Variants in PRUNE2 observed in about 807,000 individuals in gnomAD.
The protein encoded by PRUNE2 is prune homolog 2 with BCH domain, also known as protein prune homolog 2.
Under a neutral mutation model 252.0 loss-of-function variants are expected in PRUNE2, and 164 were observed. The ratio of observed to expected loss-of-function variants is 0.65; its 90% CI spans 0.57 to 0.74. The LOEUF is 0.74. Among genes scored for constraint, PRUNE2 ranks in the 30% least tolerant of loss-of-function variants. PRUNE2 has a pLI of 0.00. For synonymous variants in PRUNE2, 1,292 were observed against 1,350.2 expected, an observed-to-expected ratio of 0.96 and a Z score of 0.94; for missense variants, 3,495 against 3,711.0, an observed-to-expected ratio of 0.94 and a Z score of 1.51.
chr9:76,726,425 G>A (rs2048106829), intron 6 of PRUNE2, among the ~76,000 whole-genome samples: 1 of 152,134 alleles, frequency 6.6e-6, no homozygotes, highest in South Asian at 2.1e-4. Flanking sequence ...ACACACACAT[G>A]CACACTCATC....
chr9:76,727,612 A>G (rs1363628609), intron 6 of PRUNE2, among the ~76,000 whole-genome samples: 1 of 121,872 alleles, frequency 8.2e-6, no homozygotes, highest in African/African-American at 3.1e-5. Context: ...TTACCCAGGT[A>G]TTTTCCAGAG....
rs140550961 is a variant in PRUNE2, at chr9:76,750,779, G to A, written c.757-37058C>T. ...CTTGTTGAGTTTGAGGCGCTTGTAT[G>A]AAAACCAAGAGAGCTGTATGCCATT... On this transcript the variant is annotated intron_variant, in intron 6 of 18. Transcript: ENST00000376718. Among the ~76,000 whole-genome samples the A allele has an allele frequency of 2.7e-3, 406 of 152,288 alleles. 1 individual carries two copies. Among genetic ancestry groups the A allele is most frequent in the African/African-American group, 9.5e-3 (395 of 41,570 alleles).
chr9:76,775,324 T>A (rs2053616462), intron 6 of PRUNE2, among the ~76,000 whole-genome samples: 2 of 151,962 alleles, frequency 1.3e-5, no homozygotes, highest in Non-Finnish European at 2.9e-5. Context: ...TGAGACAAGG[T>A]CTCACTCTGT....
At chr9:76,693,437 C>CTTTTTTTTTT (rs1340516764) in intron 9 of PRUNE2, among the ~76,000 whole-genome samples, 1 of 79,748 alleles carries the variant, frequency 1.3e-5, no homozygotes, top group African/African-American at 5.8e-5. Flanking sequence ...TTAGCACCTA[C>CTTTTTTTTTT]TCTTTTTTTT....
At chr9:76,875,135 C>T (rs911861503) in intron 1 of PRUNE2, among the ~76,000 whole-genome samples, 1 of 152,116 alleles carries the variant, frequency 6.6e-6, no homozygotes, top group African/African-American at 2.4e-5. Context: ...TGCACCAGCA[C>T]CTCCCTCTAC....
At chr9:76,883,457 T>C (rs2061910457) in intron 1 of PRUNE2, among the ~76,000 whole-genome samples, 1 of 152,260 alleles carries the variant, frequency 6.6e-6, no homozygotes, top group South Asian at 2.1e-4. Context: ...CATGTAGCAC[T>C]TAGCAGAGCT....
intron 1 of PRUNE2, among the ~76,000 whole-genome samples, chr9:76,870,111 T>C (rs561974326): frequency 9.4e-4 from 143 of 152,216 alleles, no homozygotes; most frequent in Non-Finnish European, 1.4e-3. Flanking sequence ...AAAATACATA[T>C]CCAGAGATTA....
intron 6 of PRUNE2, among the ~76,000 whole-genome samples, chr9:76,725,486 G>A (rs544702940): frequency 6.6e-6 from 1 of 152,180 alleles, no homozygotes; most frequent in African/African-American, 2.4e-5. Flanking sequence ...CCCAACCATC[G>A]CCAAGCTTAA....
chr9:76,852,574 T>C (rs2060020335), intron 2 of PRUNE2, among the ~76,000 whole-genome samples: 1 of 152,236 alleles, frequency 6.6e-6, no homozygotes, highest in Admixed American at 6.5e-5. Flanking sequence ...TCTTTGCTTA[T>C]CCTACATGTT....
In PRUNE2 at chr9:76,710,632, T is replaced by TA; in HGVS notation, c.1641dup (p.Asn548Ter). The TA allele has an allele frequency of 6.2e-7, 1 of 1,613,224 alleles. No homozygotes were observed. The highest frequency in any genetic ancestry group is 8.5e-7 in the Non-Finnish European group (1 of 1,179,570). ...GACAAAAGTGAACTGGATGAATAAT[T>TA]AGACATGTTGGTTCCCATGCCATCA... On this transcript the variant is annotated frameshift_variant, in exon 8 of 19. Transcript: ENST00000376718. LOFTEE classifies it high-confidence loss of function.
rs1481295621 is a variant in PRUNE2, at chr9:76,705,061, C to T, written c.7213G>A (p.Ala2405Thr). Residue 2405 changes from alanine to threonine, a missense_variant, in exon 8 of 19, where the codon GCC becomes ACC. Physicochemically the swap from Ala to Thr is moderately conservative, Grantham distance 58. Transcript: ENST00000376718. ...TCCTCTATTGTTTCAGCACTCTGGG[C>T]AGGTTCTGTGAGATAAGACAAATCA... ...PFDLSYLTEP[A>T]QSAETIEEAG... 1.2e-6 allele frequency: 2 copies of T among 1,614,000 alleles called. No individual in the cohort carries two copies. Among genetic ancestry groups the T allele is most frequent in the South Asian group, 1.1e-5 (1 of 91,084 alleles).
chr9:76,832,583 G>A (rs2058728065), intron 4 of PRUNE2, among the ~76,000 whole-genome samples: 1 of 151,920 alleles, frequency 6.6e-6, no homozygotes, highest in Non-Finnish European at 1.5e-5. Context: ...AACTCAAGTT[G>A]TGCTCTAAGG....
chr9:76,766,294 T>C (rs1443671663), intron 6 of PRUNE2, among the ~76,000 whole-genome samples: 1 of 152,020 alleles, frequency 6.6e-6, no homozygotes, highest in African/African-American at 2.4e-5. Flanking sequence ...GGATACCATA[T>C]GTTCACTCCC....
intron 9 of PRUNE2, among the ~76,000 whole-genome samples, chr9:76,676,862 G>T (rs1329184058): frequency 1.3e-5 from 2 of 152,218 alleles, no homozygotes; most frequent in Non-Finnish European, 2.9e-5. Flanking sequence ...CACATGAGCT[G>T]AAATGTTACC....
intron 9 of PRUNE2, among the ~76,000 whole-genome samples, chr9:76,662,135 G>A (rs967538728): frequency 7.9e-5 from 12 of 152,142 alleles, no homozygotes; most frequent in African/African-American, 2.9e-4. Flanking sequence ...CAGATTTTAG[G>A]AAATAAGATG....
At position 76,703,812 on chromosome 9, in the gene PRUNE2, C is replaced by T. The variant is rs1309761673; in HGVS notation, c.7801G>A (p.Ala2601Thr). Residue 2601 changes from alanine (A) to threonine (T), a missense_variant, in exon 9 of 19, where the codon GCC (alanine) becomes ACC (threonine). Coordinates refer to ENST00000376718, the MANE Select transcript of PRUNE2 (RefSeq NM_015225.3). ...LASFPDTCQP[A>T]SLNERKGLSA... ...AGACCTTTTCTTTCATTTAAGGAGG[C>T]TGGCTGACATGTGTCTGGGAAGCTT... 5 of 1,613,982 alleles carry T rather than the reference C, an allele frequency of 3.1e-6. No individual in the cohort carries two copies. The highest frequency in any genetic ancestry group is 1.6e-4 in the Middle Eastern group (1 of 6,062).
At chr9:76,679,472 T>A (rs1468346857) in intron 9 of PRUNE2, among the ~76,000 whole-genome samples, 2 of 152,110 alleles carry the variant, frequency 1.3e-5, no homozygotes, top group Non-Finnish European at 2.9e-5. Context: ...GCTACAGTAA[T>A]CAAAACAGTA....
chr9:76,701,121 C>G (rs1453184856), intron 9 of PRUNE2, among the ~76,000 whole-genome samples: 1 of 152,156 alleles, frequency 6.6e-6, no homozygotes, highest in Admixed American at 6.5e-5. Context: ...TGGGCCTCAC[C>G]CCCAGAGTTC....
chr9:76,838,325 G>A (rs942879624), intron 4 of PRUNE2, among the ~76,000 whole-genome samples: 2 of 151,958 alleles, frequency 1.3e-5, no homozygotes, highest in South Asian at 2.1e-4. Flanking sequence ...AATATATACT[G>A]TATGATGCCA....
Sources: allele counts gnomAD v4.1 joint callset (sites outside exome capture counted in the v4.1 genomes callset), GRCh38; gene constraint gnomAD v4.1.1; transcripts MANE v1.5; gene names NCBI Gene and HGNC (gene_info 2026-07-23, HGNC 2026-07-21).